The following RAB43 variants were observed in gnomAD, a reference collection of about 807,000 sequenced individuals.
RAB43 encodes the protein RAB43, member RAS oncogene family, also known as ras-related protein Rab-43.
In RAB43, 6 loss-of-function variants were observed where a neutral mutation model predicts 18.8. That is an observed-to-expected ratio of 0.32 (90% CI 0.17 to 0.63). RAB43 has a LOEUF of 0.63. RAB43 is among the 30% of genes least tolerant of loss of function. RAB43 has a pLI of 0.79. For synonymous variants in RAB43, 103 were observed against 124.1 expected, an observed-to-expected ratio of 0.83 and a Z score of 1.13; for missense variants, 195 against 289.1, an observed-to-expected ratio of 0.67 and a Z score of 2.36.
At chr3:129,111,509 C>CAAA (rs59684183) in intron 1 of RAB43, among the ~76,000 whole-genome samples, 13 of 68,608 alleles carry the variant, frequency 1.9e-4, no homozygotes, top group Admixed American at 3.0e-4. Context: ...GACTCTGTCT[C>CAAA]AAAAAAAAAA....
rs541100275 is a variant in RAB43, at chr3:129,093,838, T to C, written c.388+1148A>G. Among the ~76,000 whole-genome samples the C allele has an allele frequency of 1.1e-4, 16 of 151,820 alleles. No individual in the cohort carries two copies. The East Asian group carries it at 2.9e-3, about 28-fold the overall frequency. ...CGGGAGGCTGAAGCAGGAGAATCGC[T>C]TGAACCAGGGAGACAGAGGTTGCAG... On this transcript the variant is annotated intron_variant, in intron 2 of 2. Coordinates refer to ENST00000315150, the MANE Select transcript of RAB43 (RefSeq NM_198490.3).
At chr3:129,111,703 T>G (rs9841893) in intron 1 of RAB43, among the ~76,000 whole-genome samples, 121,971 of 151,900 alleles carry the variant, frequency 0.8, 53,240 homozygotes, top group Non-Finnish European at 0.97. Flanking sequence ...CCTTGAGATT[T>G]CAATAATAAA....
At chr3:129,092,832 T>C (rs990480166) in intron 2 of RAB43, among the ~76,000 whole-genome samples, 9 of 151,498 alleles carry the variant, frequency 5.9e-5, no homozygotes, top group Admixed American at 5.9e-4. Context: ...GGCGGGCGCC[T>C]GTGGTCCCAG....
In RAB43 at chr3:129,110,461, T is replaced by A. The variant is rs574226206; in HGVS notation, c.204+10825A>T. The stretch of plus-strand genomic sequence containing the variant: ...CCTGAGGGTGGAAGGAAGCAAACAG[T>A]AACAAACAAGTGAAGTATGACTTGG... On this transcript the variant is annotated intron_variant, in intron 1 of 2. Coordinates refer to ENST00000315150, the MANE Select transcript of RAB43 (RefSeq NM_198490.3). 2.6e-5 allele frequency among the ~76,000 whole-genome samples: 4 copies of A among 152,140 alleles called. No individual in the cohort carries two copies. In the South Asian group the frequency reaches 8.3e-4, roughly 32 times the overall value.
At chr3:129,114,513 G>A (rs1053240518) in intron 1 of RAB43, among the ~76,000 whole-genome samples, 1 of 152,180 alleles carries the variant, frequency 6.6e-6, no homozygotes, top group Non-Finnish European at 1.5e-5. Context: ...TGAGAAAAGC[G>A]ATGGAAACTT....
chr3:129,091,438 C>T, intron 2 of RAB43, 92 bp from the exon 3 acceptor site: 1 of 1,444,238 alleles, frequency 6.9e-7, no homozygotes, highest in Non-Finnish European at 9.3e-7. Flanking sequence ...CCATGCCACT[C>T]CCTTCCACCA....
intron 1 of RAB43, among the ~76,000 whole-genome samples, chr3:129,109,901 G>A (rs1202700395): frequency 6.6e-6 from 1 of 151,358 alleles, no homozygotes; most frequent in Non-Finnish European, 1.5e-5. Flanking sequence ...CTCTCACTCT[G>A]TCACTTAGGC....
At chr3:129,117,250 T>C (rs1357065855) in intron 1 of RAB43, among the ~76,000 whole-genome samples, 2 of 152,200 alleles carry the variant, frequency 1.3e-5, no homozygotes, top group East Asian at 3.8e-4. Context: ...TGTTCAAAGT[T>C]TTCTGACAAC....
chr3:129,114,198 C>T (rs1025452611), intron 1 of RAB43, among the ~76,000 whole-genome samples: 2 of 152,136 alleles, frequency 1.3e-5, no homozygotes, highest in African/African-American at 2.4e-5. Context: ...AATTAATAAA[C>T]ATTTATTTAA....
chr3:129,092,213 T>A (rs373793697), intron 2 of RAB43, among the ~76,000 whole-genome samples: 3 of 152,332 alleles, frequency 2.0e-5, no homozygotes, highest in African/African-American at 7.2e-5. Flanking sequence ...TGGGCAATTA[T>A]AAATCTGAAT....
intron 1 of RAB43, among the ~76,000 whole-genome samples, chr3:129,110,614 G>A (rs141807517): frequency 0.021 from 3,165 of 152,124 alleles, 51 homozygotes; most frequent in Non-Finnish European, 0.026. Context: ...TGAGGCGGGC[G>A]GATCACGAGG....
chr3:129,121,457 C>T lies in RAB43; in HGVS notation c.33G>A (p.Pro11=), dbSNP rs751097069. ...TGAACAGGAAATCGTACTGCTCGTCCGGGTCCCCCGGGCCTGGGCCCGGCC... is the reference window on the plus strand; with the variant it reads ...TGAACAGGAAATCGTACTGCTCGTCTGGGTCCCCCGGGCCTGGGCCCGGCC... MAGPGPGPGD[P]DEQYDFLFKL... Residue 11 remains proline (P), a synonymous_variant, in exon 1 of 3, where the codon CCG becomes CCA. Coordinates refer to ENST00000315150, the MANE Select transcript of RAB43 (RefSeq NM_198490.3). 4 of 1,612,396 alleles carry T rather than the reference C, an allele frequency of 2.5e-6. No homozygotes were observed. The Admixed American group carries it at 6.7e-5, about 27-fold the overall frequency.
At chr3:129,099,534 G>A (rs1934285691) in intron 1 of RAB43, among the ~76,000 whole-genome samples, 1 of 152,074 alleles carries the variant, frequency 6.6e-6, no homozygotes, top group African/African-American at 2.4e-5. Context: ...TTATGGGCAC[G>A]TGCCATCACA....
intron 1 of RAB43, among the ~76,000 whole-genome samples, chr3:129,112,061 C>T (rs1229091790): frequency 6.6e-6 from 1 of 152,184 alleles, no homozygotes; most frequent in African/African-American, 2.4e-5. Flanking sequence ...TCAGCCTGGG[C>T]AACAATGTGA....
intron 1 of RAB43, among the ~76,000 whole-genome samples, chr3:129,103,782 C>G (rs1480299161): frequency 1.3e-5 from 2 of 152,160 alleles, no homozygotes; most frequent in African/African-American, 4.8e-5. Flanking sequence ...TCAGGCTGGT[C>G]TCGAACTCCT....
At chr3:129,121,145 C>T (rs1935898113) in intron 1 of RAB43, 141 bp downstream of exon 1, 1 of 668,128 alleles carries the variant, frequency 1.5e-6, no homozygotes, top group East Asian at 3.8e-5. Flanking sequence ...CCCAGGCCTG[C>T]TCCGACCCGA....
chr3:129,117,125 C>T (rs771266510), intron 1 of RAB43, among the ~76,000 whole-genome samples: 5 of 152,122 alleles, frequency 3.3e-5, no homozygotes, highest in Non-Finnish European at 5.9e-5. Flanking sequence ...GGGACAAACA[C>T]GGAAGGGAGA....
rs981103885 is a variant in RAB43, at chr3:129,121,589, G to A, written c.-100C>T. On this transcript the variant is annotated 5_prime_UTR_variant, in exon 1 of 3. Coordinates refer to ENST00000315150, the MANE Select transcript of RAB43 (RefSeq NM_198490.3). ...CTCCGCCCGCTCCAGCCCACGGGCCGCCTGGCTACGTGGAGCCGCCGCAAC... is the reference window on the plus strand; with the variant it reads ...CTCCGCCCGCTCCAGCCCACGGGCCACCTGGCTACGTGGAGCCGCCGCAAC... The A allele has an allele frequency of 9.9e-6, 10 of 1,008,188 alleles. No individual in the cohort carries two copies. The East Asian group carries it at 1.8e-4, about 18-fold the overall frequency. The allele number at this position is 1,008,188 out of a possible 1,614,324, so 62.5% of individuals were successfully genotyped here. A position where few individuals can be genotyped will look rare whatever the true frequency, so the allele number is the denominator to read the frequency against.
chr3:129,121,195 C>G lies in RAB43; in HGVS notation c.204+91G>C, dbSNP rs1935903748. ...GAAGCCAAAGGAAACTTCAGATGGA[C>G]GCGGGGTGCGCTCGCCGCGGCCAGG... is the stretch of plus-strand genomic sequence containing the variant. On this transcript the variant is annotated intron_variant, in intron 1 of 2. Transcript: ENST00000315150. 2.6e-6 allele frequency: 3 copies of G among 1,174,934 alleles called. No homozygotes were observed. In the Admixed American group the frequency reaches 7.5e-5, roughly 29 times the overall value. 72.8% of individuals were successfully genotyped at this position (1,174,934 alleles called of 1,614,324 possible). A position where few individuals can be genotyped will look rare whatever the true frequency, so the allele number is the denominator to read the frequency against.
Sources: gnomAD v4.1 joint callset for allele counts (sites outside exome capture counted in the v4.1 genomes callset) on GRCh38, gnomAD v4.1.1 for gene constraint, MANE v1.5 for transcripts, NCBI Gene and HGNC (gene_info 2026-07-23, HGNC 2026-07-21) for gene names.